RBM26: variants seen among roughly 807,000 people sequenced by gnomAD.
RBM26 encodes the protein RNA-binding protein 26.
RBM26 carries 30 observed loss-of-function variants against 123.6 expected under a neutral mutation model. The observed-to-expected ratio is 0.24, with a 90% CI of 0.18 to 0.33. RBM26 has a LOEUF of 0.33. Ranked by LOEUF, RBM26 falls within the 10% of genes least tolerant of loss-of-function variation. The probability of loss-of-function intolerance (pLI) is 1.00; values close to 1 mark genes in which losing one functional copy is unlikely to be tolerated. For missense variants in RBM26, 947 were observed against 1,203.6 expected, an observed-to-expected ratio of 0.79 and a Z score of 3.15; for synonymous variants, 400 against 404.4, an observed-to-expected ratio of 0.99 and a Z score of 0.13.
intron 1 of RBM26, among the ~76,000 whole-genome samples, chr13:79,393,277 C>G (rs147835488): frequency 1.1e-4 from 16 of 152,278 alleles, no homozygotes; most frequent in African/African-American, 3.1e-4. Flanking sequence ...GAGTTAAGAA[C>G]AAAGATCTCC....
rs758096100 is a variant in RBM26, at chr13:79,366,883, G to GGAAT, written c.896-15_896-12dup. 26 of 1,560,028 alleles carry GGAAT rather than the reference G, an allele frequency of 1.7e-5. No homozygotes were observed. Among genetic ancestry groups the GGAAT allele is most frequent in the Admixed American group, 5.4e-5 (3 of 55,338 alleles). On this transcript the variant is annotated splice_polypyrimidine_tract_variant and intron_variant, in intron 6 of 21. Transcript: ENST00000438737. ...TACAAAAACCCTTTTCTATGAGGAA[G>GGAAT]GAATAGTTAGAAACAAATGTCAAAA...
In RBM26 at chr13:79,343,789, T is replaced by C. The variant is rs578221951; in HGVS notation, c.2259+459A>G. On this transcript the variant is annotated intron_variant, in intron 16 of 21. Coordinates refer to ENST00000438737, the MANE Select transcript of RBM26 (RefSeq NM_001366735.2). ...GTTTTACTTTTTTCTTTGTACTACA[T>C]TTTGAGATCTAGTGTATATTTTACA... Among the ~76,000 whole-genome samples the C allele has an allele frequency of 3.8e-3, 583 of 152,062 alleles. 1 individual carries two copies. Among genetic ancestry groups the C allele is most frequent in the Middle Eastern group, 0.014 (4 of 294 alleles).
At chr13:79,330,704 G>A (rs908799273) in intron 20 of RBM26, among the ~76,000 whole-genome samples, 2 of 152,036 alleles carry the variant, frequency 1.3e-5, no homozygotes, top group African/African-American at 4.8e-5. Context: ...CACGAGTTAT[G>A]AACACAAATA....
chr13:79,355,231 T>C lies in RBM26; in HGVS notation c.1843A>G (p.Thr615Ala), dbSNP rs772318706. 31 of 1,613,566 alleles carry C rather than the reference T, an allele frequency of 1.9e-5. No individual in the cohort carries two copies. The Admixed American group carries it at 2.8e-4, about 15-fold the overall frequency. ...REGSTQQLQT[T>A]SPKVMQPLVQ... ...AATTCCTCTCTTACCTTTGGAGAAG[T>C]AGTTTGTAACTGTTGGGTGCTTCCT... The change falls in exon 12 of 22, where the codon ACT (threonine) becomes GCT (alanine). Residue 615 changes from threonine to alanine, a missense_variant. Thr to Ala is a moderately conservative substitution (Grantham distance 58, BLOSUM62 0). Transcript: ENST00000438737.
chr13:79,347,100 A>T (rs1272427332), intron 14 of RBM26, among the ~76,000 whole-genome samples: 1 of 152,252 alleles, frequency 6.6e-6, no homozygotes, highest in Non-Finnish European at 1.5e-5. Flanking sequence ...GACATGTAGT[A>T]TCAGACTAAG....
intron 9 of RBM26, among the ~76,000 whole-genome samples, 172 bp downstream of exon 9, chr13:79,365,406 G>T (rs2075154632): frequency 6.6e-6 from 1 of 152,128 alleles, no homozygotes; most frequent in Non-Finnish European, 1.5e-5. Context: ...TCACGCTACT[G>T]CACTCCAGCC....
At chr13:79,366,008 T>A in intron 8 of RBM26, 47 bp downstream of exon 8, 1 of 1,522,518 alleles carries the variant, frequency 6.6e-7, no homozygotes, top group Non-Finnish European at 8.9e-7. Context: ...AAATTCTTCA[T>A]CTAAAACTGT....
rs185408782 is a variant in RBM26, at chr13:79,319,805, A to G, written c.*816T>C. 2 of 978,658 alleles carry G rather than the reference A, an allele frequency of 2.0e-6. No homozygotes were observed. Among genetic ancestry groups the G allele is most frequent in the Admixed American group, 1.2e-4 (2 of 16,108 alleles). 60.6% of individuals were successfully genotyped at this position (978,658 alleles called of 1,614,324 possible). A position where few individuals can be genotyped will look rare whatever the true frequency, so the allele number is the denominator to read the frequency against. ...TATTGTAAGGGTACCAGTAACCATT[A>G]TTATTAAGAATAAGTTAGTGATTAT... On this transcript the variant is annotated 3_prime_UTR_variant, in exon 22 of 22. Coordinates refer to ENST00000438737, the MANE Select transcript of RBM26 (RefSeq NM_001366735.2).
chr13:79,322,520 AAAT>A, intron 20 of RBM26, 58 bp from the exon 21 acceptor site: 1 of 1,156,166 alleles, frequency 8.6e-7, no homozygotes, highest in African/African-American at 1.6e-5. Flanking sequence ...AGAAAAAAAT[AAAT>A]GTCATAGTGC....
At chr13:79,315,328 C>T (rs1195915092), downstream of RBM26, among the ~76,000 whole-genome samples, 1 of 151,802 alleles carries the variant, frequency 6.6e-6, no homozygotes, top group African/African-American at 2.4e-5. Context: ...TTTAGGAAAT[C>T]ATGAACAAAT....
chr13:79,327,549 T>C (rs1407786476), intron 20 of RBM26, among the ~76,000 whole-genome samples: 6 of 152,052 alleles, frequency 3.9e-5, no homozygotes. Context: ...CAAAGATAAA[T>C]TGAATGAAAA....
At chr13:79,320,955 A>AT (rs1390324856) in intron 21 of RBM26, among the ~76,000 whole-genome samples, 1 of 151,102 alleles carries the variant, frequency 6.6e-6, no homozygotes, top group Non-Finnish European at 1.5e-5. Flanking sequence ...TGTACATGCC[A>AT]TTTTTTCCTG....
Position 79,366,679 on chromosome 13 carries a change from T to A in RBM26, c.1089A>T (p.Pro363=). ...GTGGCAATGGACCTGGCGGTGGTAC[T>A]GGGGGCCTGAGATTCACAGGTGGGG... ...LTPPPVNLRP[P]VPPPGPLPPS... Residue 363 remains proline (P), a synonymous_variant, in exon 7 of 22, where the codon CCA becomes CCT. Coordinates refer to ENST00000438737, the MANE Select transcript of RBM26 (RefSeq NM_001366735.2). The A allele has an allele frequency of 1.3e-6, 2 of 1,570,488 alleles. No homozygotes were observed. Among genetic ancestry groups the A allele is most frequent in the Middle Eastern group, 3.4e-4 (2 of 5,904 alleles).
chr13:79,349,703 CTTT>C (rs796198346), intron 14 of RBM26, among the ~76,000 whole-genome samples: 3 of 143,578 alleles, frequency 2.1e-5, no homozygotes, highest in Admixed American at 7.0e-5. Context: ...AAATCCCACT[CTTT>C]TTTTTTTTTT....
At chr13:79,354,371 C>G in intron 13 of RBM26, 68 bp downstream of exon 13, 2 of 1,266,686 alleles carry the variant, frequency 1.6e-6, no homozygotes, top group Non-Finnish European at 2.1e-6. Flanking sequence ...AACTATAATT[C>G]AAATCACCAA....
intron 1 of RBM26, among the ~76,000 whole-genome samples, chr13:79,405,307 G>A (rs2079435207): frequency 6.6e-6 from 1 of 152,170 alleles, no homozygotes; most frequent in African/African-American, 2.4e-5. Context: ...TGAAACGTGA[G>A]TGATTTAAGC....
At chr13:79,380,452 T>C (rs965397580) in intron 1 of RBM26, among the ~76,000 whole-genome samples, 6 of 151,388 alleles carry the variant, frequency 4.0e-5, no homozygotes, top group East Asian at 1.9e-4. Context: ...AGGATGATAG[T>C]ATGAACTAAG....
intron 18 of RBM26, 110 bp downstream of exon 18, chr13:79,341,012 AT>A (rs2071287218): frequency 3.4e-6 from 2 of 593,614 alleles, no homozygotes; most frequent in South Asian, 5.0e-5. Context: ...TATGCCAGGG[AT>A]TACCAACAAT....
In RBM26 at chr13:79,368,821, G is replaced by A. The variant is rs544226230; in HGVS notation, c.804C>T (p.Thr268=). ...CTTCATGAAATTCAGACCAACTTTC[G>A]GTAGTGTTGTTTCCATGATGAGTAG... The part of the protein sequence containing the change: ...IAPTHHGNNT[T]ESWSEFHEDQ... Residue 268 remains threonine, a synonymous_variant, in exon 6 of 22, where the codon ACC becomes ACT. Transcript: ENST00000438737. 22 of 1,613,736 alleles carry A rather than the reference G, an allele frequency of 1.4e-5. No homozygotes were observed. Among genetic ancestry groups the A allele is most frequent in the African/African-American group, 8.0e-5 (6 of 75,012 alleles).
Sources: allele counts gnomAD v4.1 joint callset (sites outside exome capture counted in the v4.1 genomes callset), GRCh38; gene constraint gnomAD v4.1.1; transcripts MANE v1.5; gene names NCBI Gene and HGNC (gene_info 2026-07-23, HGNC 2026-07-21).